Variants in SYNPR observed in about 807,000 individuals in gnomAD.
SYNPR encodes the protein synaptoporin.
Under a neutral mutation model 32.9 loss-of-function variants are expected in SYNPR, and 23 were observed. That is an observed-to-expected ratio of 0.70 (90% CI 0.50 to 0.99). The LOEUF is 0.99. Among genes scored for constraint, SYNPR ranks in the 50% least tolerant of loss-of-function variants. The pLI is 0.00. For missense variants in SYNPR, 318 were observed against 349.3 expected (o/e 0.91, Z 0.71); for synonymous variants, 146 against 135.9 (o/e 1.07, Z -0.52).
Position 63,509,912 on chromosome 3 carries a change from C to T in SYNPR, c.209+28956C>T, listed in dbSNP as rs146581238. Among the ~76,000 whole-genome samples the T allele has an allele frequency of 1.7e-3, 262 of 152,088 alleles. 1 individual carries two copies. Among genetic ancestry groups the T allele is most frequent in the African/African-American group, 5.2e-3 (215 of 41,514 alleles). On this transcript the variant is annotated intron_variant, in intron 3 of 5. Coordinates refer to ENST00000478300, the MANE Select transcript of SYNPR (RefSeq NM_001130003.2). Reference sequence around the variant, plus strand: ...ATCTCATTTAATTATTACTAGTATGCGAGATAGAATTCTTTCTTCTCTCCT... The same window carrying T: ...ATCTCATTTAATTATTACTAGTATGTGAGATAGAATTCTTTCTTCTCTCCT...
intron 4 of SYNPR, among the ~76,000 whole-genome samples, chr3:63,586,668 G>GTGTGTC (rs1486287681): frequency 6.6e-6 from 1 of 150,434 alleles, no homozygotes; most frequent in Non-Finnish European, 1.5e-5. Flanking sequence ...GTGTGTGTGT[G>GTGTGTC]TGTGTGTGTG....
intron 1 of SYNPR, among the ~76,000 whole-genome samples, chr3:63,245,063 A>C (rs923726718): frequency 6.6e-6 from 1 of 152,148 alleles, no homozygotes; most frequent in African/African-American, 2.4e-5. Flanking sequence ...TTCAACTTAC[A>C]TCTCCAAAGC....
chr3:63,306,050 A>G (rs2086907734), intron 2 of SYNPR, among the ~76,000 whole-genome samples: 1 of 151,972 alleles, frequency 6.6e-6, no homozygotes, highest in Non-Finnish European at 1.5e-5. Flanking sequence ...CTCCATCTCC[A>G]ACAAATTTTC....
At chr3:63,407,006 A>G (rs372308514) in intron 2 of SYNPR, among the ~76,000 whole-genome samples, 1 of 152,208 alleles carries the variant, frequency 6.6e-6, no homozygotes, top group African/African-American at 2.4e-5. Flanking sequence ...CTTTGAGTTC[A>G]TGCGCTACTT....
chr3:63,581,134 C>T (rs1015292880), intron 4 of SYNPR, among the ~76,000 whole-genome samples: 2 of 152,246 alleles, frequency 1.3e-5, no homozygotes, highest in Non-Finnish European at 2.9e-5. Flanking sequence ...GAAAGGATCC[C>T]TCAGGGGTGT....
At chr3:63,361,641 C>A (rs1446169613) in intron 2 of SYNPR, among the ~76,000 whole-genome samples, 1 of 149,722 alleles carries the variant, frequency 6.7e-6, no homozygotes, top group African/African-American at 2.5e-5. Flanking sequence ...AAAGCCAACA[C>A]AACAGGTGTT....
chr3:63,470,160 C>T (rs576192471), intron 2 of SYNPR, among the ~76,000 whole-genome samples: 3 of 152,032 alleles, frequency 2.0e-5, no homozygotes, highest in South Asian at 4.2e-4. Flanking sequence ...TTCTAGACCT[C>T]TTAAATTTCT....
At position 63,480,906 on chromosome 3, in the gene SYNPR, C is replaced by A. The variant is rs1361219963; in HGVS notation, c.159C>A (p.Asn53Lys). The change falls in exon 3 of 6, where the codon AAC becomes AAA. Residue 53 changes from asparagine (N) to lysine (K), a missense_variant. By Grantham distance (94) the Asn-to-Lys change is moderately conservative. Coordinates refer to ENST00000478300, the MANE Select transcript of SYNPR (RefSeq NM_001130003.2). ...TGCGGCTGAGTGTGGACTGCGTCAA[C>A]AAGACAGAAAGTAACCTCAGCATCG... ...GGLRLSVDCVNKTESNLSIDI... is the reference protein window; with the variant it reads ...GGLRLSVDCVKKTESNLSIDI... 1 of 1,613,634 alleles carries A rather than the reference C, an allele frequency of 6.2e-7. No individual in the cohort carries two copies. The highest frequency in any genetic ancestry group is 8.5e-7 in the Non-Finnish European group (1 of 1,179,628).
intron 4 of SYNPR, among the ~76,000 whole-genome samples, chr3:63,583,793 T>TA (rs1703134400): frequency 6.6e-6 from 1 of 152,144 alleles, no homozygotes; most frequent in Admixed American, 6.6e-5. Flanking sequence ...TCTATTATAT[T>TA]ACCCTTTTCC....
intron 3 of SYNPR, among the ~76,000 whole-genome samples, chr3:63,494,401 A>ATG (rs1335689606): frequency 9.3e-6 from 1 of 107,456 alleles, no homozygotes. Flanking sequence ...TCTTATATAT[A>ATG]TATATATATA....
chr3:63,600,934 A>T (rs1322982972), intron 4 of SYNPR, among the ~76,000 whole-genome samples: 4 of 152,208 alleles, frequency 2.6e-5, no homozygotes, highest in Non-Finnish European at 5.9e-5. Context: ...ATTCTTCAGA[A>T]TTTTTGACCT....
chr3:63,332,821 T>A (rs1023922713), intron 2 of SYNPR, among the ~76,000 whole-genome samples: 1 of 152,170 alleles, frequency 6.6e-6, no homozygotes, highest in Admixed American at 6.5e-5. Context: ...TTAGTCTATA[T>A]TATCCAAGAG....
intron 1 of SYNPR, among the ~76,000 whole-genome samples, chr3:63,237,114 T>C (rs901268352): frequency 6.6e-6 from 1 of 152,194 alleles, no homozygotes; most frequent in Non-Finnish European, 1.5e-5. Context: ...ATGGGTCAGA[T>C]GCTTGTCAAA....
intron 3 of SYNPR, among the ~76,000 whole-genome samples, chr3:63,493,932 A>T (rs1701306756): frequency 6.6e-6 from 1 of 151,992 alleles, no homozygotes; most frequent in African/African-American, 2.4e-5. Context: ...AGTAAGCCTT[A>T]GACTTGTGGA....
intron 2 of SYNPR, among the ~76,000 whole-genome samples, chr3:63,290,768 C>T (rs2086730773): frequency 6.6e-6 from 1 of 152,120 alleles, no homozygotes; most frequent in South Asian, 2.1e-4. Flanking sequence ...TAAACTTTGT[C>T]CATTGTGTGT....
chr3:63,490,715 T>C (rs1318000332), intron 3 of SYNPR, among the ~76,000 whole-genome samples: 1 of 152,106 alleles, frequency 6.6e-6, no homozygotes, highest in Admixed American at 6.5e-5. Context: ...TTGTTCCTGA[T>C]TTTGGTTCAT....
rs1559546224 is a variant in SYNPR, at chr3:63,595,753, ATATATATATATATAT to A, written c.409-13371_409-13357del. 8.2e-3 allele frequency among the ~76,000 whole-genome samples: 368 copies of A among 44,742 alleles called. 7 individuals carry two copies. The highest frequency in any genetic ancestry group is 0.025 in the African/African-American group (153 of 6,174). 29.4% of individuals were successfully genotyped at this position (44,742 alleles called of 152,430 possible). A position where few individuals can be genotyped will look rare whatever the true frequency, so the allele number is the denominator to read the frequency against. On this transcript the variant is annotated intron_variant, in intron 4 of 5. Transcript: ENST00000478300. ...TATATATATATATATATATATATAT[ATATATATATATATAT>A]AATTTTATATATATATAGTTATATA...
At chr3:63,442,806 G>A (rs560776935) in intron 2 of SYNPR, among the ~76,000 whole-genome samples, 2 of 152,236 alleles carry the variant, frequency 1.3e-5, no homozygotes, top group East Asian at 3.9e-4. Flanking sequence ...CAGTGTACGA[G>A]TTTCCCAAAT....
chr3:63,336,698 A>T (rs2087300075), intron 2 of SYNPR, among the ~76,000 whole-genome samples: 1 of 152,012 alleles, frequency 6.6e-6, no homozygotes, highest in South Asian at 2.1e-4. Flanking sequence ...TTTGGTAATG[A>T]TTATTAGATA....
Sources: gnomAD v4.1 joint callset for allele counts (sites outside exome capture counted in the v4.1 genomes callset) on GRCh38, gnomAD v4.1.1 for gene constraint, MANE v1.5 for transcripts, NCBI Gene and HGNC (gene_info 2026-07-23, HGNC 2026-07-21) for gene names.